The following ASIC2 variants were observed in gnomAD, a reference collection of about 807,000 sequenced individuals.
ASIC2 encodes the protein acid sensing ion channel subunit 2, also known as acid-sensing ion channel 2.
A neutral mutation model predicts 57.3 loss-of-function variants in ASIC2; 25 were observed. The observed-to-expected ratio is 0.44, with a 90% CI of 0.32 to 0.61. ASIC2 has a LOEUF of 0.61. Ranked by LOEUF, ASIC2 falls within the 20% of genes least tolerant of loss-of-function variation. The pLI is 0.06. For synonymous variants in ASIC2, 319 were observed against 307.5 expected (o/e 1.04, Z -0.39); for missense variants, 641 against 738.1 (o/e 0.87, Z 1.52).
intron 1 of ASIC2, among the ~76,000 whole-genome samples, chr17:33,702,371 G>A (rs1908729790): frequency 6.6e-6 from 1 of 152,170 alleles, no homozygotes; most frequent in African/African-American, 2.4e-5. Context: ...GGCAGGAGGA[G>A]GCTTCCTGTG....
intron 1 of ASIC2, among the ~76,000 whole-genome samples, chr17:33,329,585 C>A (rs1907222176): frequency 6.6e-6 from 1 of 152,186 alleles, no homozygotes; most frequent in Admixed American, 6.5e-5. Flanking sequence ...GTAAAAGTCC[C>A]CATAGGGTCA....
chr17:33,650,327 G>A (rs1187322619), intron 1 of ASIC2, among the ~76,000 whole-genome samples: 1 of 152,102 alleles, frequency 6.6e-6, no homozygotes, highest in Non-Finnish European at 1.5e-5. Context: ...AAAAGAGTGA[G>A]AACTCCAAAT....
intron 2 of ASIC2, among the ~76,000 whole-genome samples, chr17:33,110,513 C>T (rs907174330): frequency 2.0e-5 from 3 of 152,208 alleles, no homozygotes; most frequent in African/African-American, 7.2e-5. Context: ...AGGTGAGCTT[C>T]CAGATGGCAC....
At chr17:33,631,482 G>C (rs1906167653) in intron 1 of ASIC2, among the ~76,000 whole-genome samples, 1 of 152,040 alleles carries the variant, frequency 6.6e-6, no homozygotes, top group South Asian at 2.1e-4. Context: ...ACCCATGTTT[G>C]ATGTCTGCTG....
At chr17:33,610,054 G>GCGCACACACACACACACA (rs375575593) in intron 1 of ASIC2, among the ~76,000 whole-genome samples, 21 of 144,736 alleles carry the variant, frequency 1.5e-4, no homozygotes, top group African/African-American at 5.2e-4. Context: ...GGACAGAGGC[G>GCGCACACACACACACACA]CACACACACA....
intron 1 of ASIC2, among the ~76,000 whole-genome samples, chr17:33,407,438 T>C (rs1478824628): frequency 6.6e-6 from 1 of 152,248 alleles, no homozygotes; most frequent in Non-Finnish European, 1.5e-5. Context: ...CTAATGCCTC[T>C]TGATCACTTT....
chr17:33,543,025 C>T (rs1274446914), intron 1 of ASIC2, among the ~76,000 whole-genome samples: 1 of 150,638 alleles, frequency 6.6e-6, no homozygotes, highest in Non-Finnish European at 1.5e-5. Flanking sequence ...TCTCAGTAAA[C>T]TATCGCAAGA....
At chr17:33,276,641 C>T (rs978336017) in intron 1 of ASIC2, among the ~76,000 whole-genome samples, 12 of 152,144 alleles carry the variant, frequency 7.9e-5, no homozygotes, top group Non-Finnish European at 1.0e-4. Context: ...TATGTGACTC[C>T]GTTGCCATTT....
At chr17:33,320,913 C>A (rs888510217) in intron 1 of ASIC2, among the ~76,000 whole-genome samples, 5 of 152,180 alleles carry the variant, frequency 3.3e-5, no homozygotes, top group African/African-American at 1.2e-4. Context: ...GTCCTGTAGG[C>A]AGTACCATTC....
At chr17:33,371,346 G>A (rs1159768500) in intron 1 of ASIC2, among the ~76,000 whole-genome samples, 5 of 151,658 alleles carry the variant, frequency 3.3e-5, no homozygotes, top group African/African-American at 9.7e-5. Context: ...TGGTTCAAAT[G>A]CCTCTGACAC....
Position 33,284,745 on chromosome 17 carries a change from G to T in ASIC2, c.708+6663C>A, listed in dbSNP as rs140425041. On this transcript the variant is annotated intron_variant, in intron 1 of 9. Transcript: ENST00000225823. ...GATGCATGGCTTTGTACCTCCTTGA[G>T]CCTCGGCTTTCTCATCTGTAAGCAG... Among the ~76,000 whole-genome samples the T allele has an allele frequency of 9.1e-3, 1,384 of 152,228 alleles. 24 individuals carry two copies. Among genetic ancestry groups the T allele is most frequent in the African/African-American group, 0.031 (1,296 of 41,522 alleles).
At chr17:33,268,351 ATCC>A (rs1374304093) in intron 1 of ASIC2, among the ~76,000 whole-genome samples, 20 of 124,444 alleles carry the variant, frequency 1.6e-4, no homozygotes, top group Non-Finnish European at 2.9e-4. Context: ...TCATCCATCC[ATCC>A]ATCCATCCAT....
intron 1 of ASIC2, among the ~76,000 whole-genome samples, chr17:33,684,388 C>T (rs1285822122): frequency 3.3e-5 from 5 of 151,990 alleles, no homozygotes; most frequent in South Asian, 2.1e-4. Flanking sequence ...GAAGAAACAA[C>T]GTTTTAAATA....
At chr17:33,263,277 T>C (rs553118226) in intron 1 of ASIC2, among the ~76,000 whole-genome samples, 34 of 152,180 alleles carry the variant, frequency 2.2e-4, no homozygotes, top group Middle Eastern at 3.2e-3. Flanking sequence ...GTGAGGACAA[T>C]GCATCTCAGA....
At chr17:33,534,488 C>G (rs1046255410) in intron 1 of ASIC2, 92 of 152,158 alleles carry the variant, frequency 6.0e-4, no homozygotes, top group African/African-American at 2.1e-3. Context: ...GGTGATGTGT[C>G]TCATCTTACA....
intron 1 of ASIC2, among the ~76,000 whole-genome samples, chr17:33,545,380 T>C (rs1263021393): frequency 6.6e-6 from 1 of 152,190 alleles, no homozygotes; most frequent in African/African-American, 2.4e-5. Context: ...ACGTCTTCAT[T>C]TGTAGGAGAC....
intron 1 of ASIC2, among the ~76,000 whole-genome samples, chr17:33,996,677 G>A (rs1906171635): frequency 1.3e-5 from 2 of 152,224 alleles, no homozygotes; most frequent in African/African-American, 2.4e-5. Flanking sequence ...AAATGCAGAG[G>A]TTTATTTTGT....
intron 1 of ASIC2, among the ~76,000 whole-genome samples, chr17:33,171,523 A>G (rs574348306): frequency 6.6e-6 from 1 of 152,250 alleles, no homozygotes; most frequent in South Asian, 2.1e-4. Context: ...GCTCAATTCC[A>G]CCTGCTTTTC....
At chr17:34,039,871 A>G (rs1908039949) in intron 1 of ASIC2, 25 of 1,601,932 alleles carry the variant, frequency 1.6e-5, no homozygotes, top group Middle Eastern at 1.9e-4. Flanking sequence ...TTCTTCCATC[A>G]TTTCTACTGC....
Sources: allele counts gnomAD v4.1 joint callset (sites outside exome capture counted in the v4.1 genomes callset), GRCh38; gene constraint gnomAD v4.1.1; transcripts MANE v1.5; gene names NCBI Gene and HGNC (gene_info 2026-07-23, HGNC 2026-07-21).